MGST1: variants seen among roughly 807,000 people sequenced by gnomAD.
The protein encoded by MGST1 is microsomal glutathione S-transferase 1, also known as glutathione S-transferase 12.
MGST1 carries 5 observed loss-of-function variants against 8.9 expected under a neutral mutation model. The ratio of observed to expected loss-of-function variants is 0.56; its 90% CI spans 0.29 to 1.19. The LOEUF is 1.19. Ranked by LOEUF, MGST1 falls within the 50% of genes most tolerant of loss-of-function variation. MGST1 has a pLI of 0.08. For missense variants in MGST1, 182 were observed against 187.4 expected (o/e 0.97, Z 0.17); for synonymous variants, 54 against 67.8 (o/e 0.80, Z 1.00).
At chr12:16,474,974 C>T (rs564101450) in intron 4 of MGST1, among the ~76,000 whole-genome samples, 4 of 152,236 alleles carry the variant, frequency 2.6e-5, no homozygotes, top group South Asian at 2.1e-4. Flanking sequence ...GCTAATCAAC[C>T]GGTGCAGTAG....
intron 4 of MGST1, among the ~76,000 whole-genome samples, chr12:16,444,183 GTT>G (rs1161206533): frequency 1.2e-4 from 16 of 128,502 alleles, no homozygotes; most frequent in African/African-American, 2.6e-4. Context: ...GGCTGATTTG[GTT>G]TTTTTTTTTT....
At chr12:16,564,000 A>T (rs143812419) in intron 4 of MGST1, among the ~76,000 whole-genome samples, 11 of 152,258 alleles carry the variant, frequency 7.2e-5, no homozygotes, top group African/African-American at 2.6e-4. Context: ...TTTCTGACAC[A>T]CTTCCAAAAG....
rs996146576 is a variant in MGST1 at position 16,560,167 on chromosome 12, G to C, written n.483-29361G>C. On this transcript the variant is annotated intron_variant and non_coding_transcript_variant, in intron 4 of 4. Coordinates refer to the MGST1 transcript ENST00000538857. The surrounding 1 kb of genome is among the most constrained non-coding windows in gnomAD (Gnocchi z 5.0). ...GAAGGAATGAGTAAAAGAAGTCAGA[G>C]TTTACGGTAGTGTTTCCATTTTCTG... Among the ~76,000 whole-genome samples, 2 of 152,250 alleles carry C rather than the reference G, an allele frequency of 1.3e-5. No individual in the cohort carries two copies. The highest frequency in any genetic ancestry group is 1.3e-4 in the Admixed American group (2 of 15,292).
chr12:16,527,270 C>A (rs1421740289), intron 4 of MGST1, among the ~76,000 whole-genome samples: 1 of 151,898 alleles, frequency 6.6e-6, no homozygotes, highest in Non-Finnish European at 1.5e-5. Flanking sequence ...AGAATAAATT[C>A]TAAAGCTCTG....
rs1303502284 is a variant in MGST1 at position 16,555,163 on chromosome 12, G to A, written n.483-34365G>A. Among the ~76,000 whole-genome samples the A allele has an allele frequency of 6.6e-6, 1 of 152,164 alleles. No individual in the cohort carries two copies. Among genetic ancestry groups the A allele is most frequent in the African/African-American group, 2.4e-5 (1 of 41,446 alleles). ...TTTGACTAATACTTTATCAGAATTTGCTATCATTATTATTTGGTAATGATA... is the reference window on the plus strand; with the variant it reads ...TTTGACTAATACTTTATCAGAATTTACTATCATTATTATTTGGTAATGATA... On this transcript the variant is annotated intron_variant and non_coding_transcript_variant, in intron 4 of 4. Transcript: ENST00000538857. This position sits in a 1 kb window ranked among gnomAD's most constrained non-coding sequence, Gnocchi z 5.5.
intron 4 of MGST1, among the ~76,000 whole-genome samples, chr12:16,483,938 A>G (rs1231684745): frequency 2.0e-5 from 3 of 152,218 alleles, no homozygotes; most frequent in Admixed American, 6.5e-5. Flanking sequence ...AAAACCAGCC[A>G]TATTCTAGGC....
rs775848138 is a variant in MGST1 at position 16,363,916 on chromosome 12, A to C, written c.343A>C (p.Ile115Leu). The C allele has an allele frequency of 1.8e-5, 29 of 1,613,882 alleles. No homozygotes were observed. The highest frequency in any genetic ancestry group is 2.5e-5 in the Non-Finnish European group (29 of 1,179,938). ...CTTCAGACTATTTGTCGGAGCACGG[A>C]TCTACCACACCATTGCATATTTGAC... Reference protein sequence around the residue: ...LHFRLFVGARIYHTIAYLTPL... With the variant: ...LHFRLFVGARLYHTIAYLTPL... The change falls in exon 4 of 4, where the codon ATC (isoleucine) becomes CTC (leucine). Residue 115 changes from isoleucine to leucine, a missense_variant. By Grantham distance (5) the Ile-to-Leu change is conservative. Coordinates refer to ENST00000396210, the MANE Select transcript of MGST1 (RefSeq NM_020300.5). The surrounding 1 kb of genome is among the most constrained non-coding windows in gnomAD (Gnocchi z 4.6).
chr12:16,527,076 G>A (rs1208389094), intron 4 of MGST1, among the ~76,000 whole-genome samples: 2 of 151,902 alleles, frequency 1.3e-5, no homozygotes, highest in Admixed American at 6.6e-5. Flanking sequence ...GGGAGCAAAC[G>A]GTGGCCCTTC....
chr12:16,551,865 G>A (rs543197646), intron 4 of MGST1, among the ~76,000 whole-genome samples: 3 of 152,044 alleles, frequency 2.0e-5, no homozygotes, highest in East Asian at 3.9e-4. Context: ...ATCTAGAAGT[G>A]ATCATTCTGA....
rs564958321 is a variant in MGST1, at chr12:16,401,387, T to G, written n.778+17783T>G. 2,583 of 1,106,324 alleles carry G rather than the reference T, an allele frequency of 2.3e-3. 5 individuals carry two copies. Among genetic ancestry groups the G allele is most frequent in the Non-Finnish European group, 3.0e-3 (2,195 of 722,090 alleles). 68.5% of individuals were successfully genotyped at this position (1,106,324 alleles called of 1,614,324 possible). On this transcript the variant is annotated intron_variant and non_coding_transcript_variant, in intron 1 of 1. Transcript: ENST00000359720. This position sits in a 1 kb window ranked among gnomAD's most constrained non-coding sequence, Gnocchi z 4.3. Reference sequence around the variant, plus strand: ...ATTCCCACCCCAAATCCTAGGTTTCTGGTAATTTTGTTCAGGAGTTCTGGC... The same window carrying G: ...ATTCCCACCCCAAATCCTAGGTTTCGGGTAATTTTGTTCAGGAGTTCTGGC...
chr12:16,428,878 A>T (rs1940915363), intron 1 of MGST1, among the ~76,000 whole-genome samples: 1 of 152,002 alleles, frequency 6.6e-6, no homozygotes, highest in South Asian at 2.1e-4. Context: ...GTGATTTCTA[A>T]TCTTTTCAAT....
At chr12:16,408,030 CAAAAAAAA>C (rs200073692) in intron 1 of MGST1, among the ~76,000 whole-genome samples, 5 of 44,096 alleles carry the variant, frequency 1.1e-4, no homozygotes, top group Non-Finnish European at 2.7e-4. Flanking sequence ...GACTCTGTCT[CAAAAAAAA>C]AAAAAAAAAA....
chr12:16,589,710 A>T (rs1943431488), downstream of MGST1: 1 of 152,114 alleles, frequency 6.6e-6, no homozygotes, highest in Non-Finnish European at 1.5e-5. This position sits in a 1 kb window ranked among gnomAD's most constrained non-coding sequence, Gnocchi z 4.2. Flanking sequence ...TTTCTTTAAG[A>T]TCAAGCTCAA....
At chr12:16,469,532 C>T (rs954821486) in intron 4 of MGST1, among the ~76,000 whole-genome samples, 3 of 152,106 alleles carry the variant, frequency 2.0e-5, no homozygotes, top group Non-Finnish European at 2.9e-5. Flanking sequence ...TTCCACAGAT[C>T]CACTGGTTGT....
rs1485538138 is a variant in MGST1 at position 16,548,363 on chromosome 12, GCAAT to G, written n.483-41161_483-41158del. 6.6e-6 allele frequency: 1 copy of G among 151,904 alleles called. No homozygotes were observed. The highest frequency in any genetic ancestry group is 2.4e-5 in the African/African-American group (1 of 41,348). The allele number at this position is 151,904 out of a possible 1,614,324, so 9.4% of individuals were successfully genotyped here. A position where few individuals can be genotyped will look rare whatever the true frequency, so the allele number is the denominator to read the frequency against. On this transcript the variant is annotated intron_variant and non_coding_transcript_variant, in intron 4 of 4. Transcript: ENST00000538857. This position sits in a 1 kb window ranked among gnomAD's most constrained non-coding sequence, Gnocchi z 4.2. ...TCATCTTAAATTTTGCCAATTAAGT[GCAAT>G]CAAATAGTGTAACACCCCTTTTATT...
intron 4 of MGST1, among the ~76,000 whole-genome samples, chr12:16,507,310 C>T (rs891309365): frequency 2.0e-5 from 3 of 152,016 alleles, no homozygotes; most frequent in African/African-American, 7.2e-5. Flanking sequence ...AAATGGGTGA[C>T]ATGAGTAGGG....
At chr12:16,397,009 A>G (rs1217598263) in intron 1 of MGST1, among the ~76,000 whole-genome samples, 2 of 152,168 alleles carry the variant, frequency 1.3e-5, no homozygotes, top group Non-Finnish European at 2.9e-5. Context: ...GAGGCATCAC[A>G]TTACCTGATT....
chr12:16,402,413 A>G, intron 1 of MGST1: 1 of 1,604,486 alleles, frequency 6.2e-7, no homozygotes, highest in Non-Finnish European at 8.5e-7. Flanking sequence ...GTCCAGAGTC[A>G]CAGCCATAGC....
intron 4 of MGST1, among the ~76,000 whole-genome samples, chr12:16,580,402 T>C (rs1024585042): frequency 1.3e-5 from 2 of 152,240 alleles, no homozygotes; most frequent in African/African-American, 4.8e-5. Context: ...GGACCACTTC[T>C]ATGGTCTCTT....
Sources: gnomAD v4.1 joint callset for allele counts (sites outside exome capture counted in the v4.1 genomes callset) on GRCh38, gnomAD v4.1.1 for gene constraint, Gnocchi (gnomAD v3.1) non-coding constraint, MANE v1.5 for transcripts, NCBI Gene and HGNC (gene_info 2026-07-23, HGNC 2026-07-21) for gene names.